FRYL: variants seen among roughly 807,000 people sequenced by gnomAD.
The protein encoded by FRYL is protein furry homolog-like.
FRYL carries 150 observed loss-of-function variants against 351.2 expected under a neutral mutation model. The ratio of observed to expected loss-of-function variants is 0.43; its 90% CI spans 0.37 to 0.49. The LOEUF is 0.49. Among genes scored for constraint, FRYL ranks in the 20% least tolerant of loss-of-function variants. FRYL has a pLI of 0.00. For missense variants in FRYL, 3,036 were observed against 3,619.3 expected (o/e 0.84, Z 4.13); for synonymous variants, 1,153 against 1,257.1 (o/e 0.92, Z 1.75).
chr4:48,603,393 T>C lies in FRYL; in HGVS notation c.835-5A>G, dbSNP rs202240056. 3 of 1,545,426 alleles carry C rather than the reference T, an allele frequency of 1.9e-6. No homozygotes were observed. Among genetic ancestry groups the C allele is most frequent in the Non-Finnish European group, 2.7e-6 (3 of 1,123,366 alleles). ...ATTCACTTCATTTTTAACAGCCTAG[T>C]AAAAAGATAATGCAAACAAAGAAAA... On this transcript the variant is annotated splice_region_variant and splice_polypyrimidine_tract_variant and intron_variant, in intron 11 of 63. Coordinates refer to ENST00000358350, the MANE Select transcript of FRYL (RefSeq NM_015030.2).
chr4:48,777,780 G>A (rs1265149894), intron 1 of FRYL, among the ~76,000 whole-genome samples: 2 of 152,124 alleles, frequency 1.3e-5, no homozygotes, highest in African/African-American at 4.8e-5. Flanking sequence ...ATTATGAGAT[G>A]GGAAGGAAGA....
chr4:48,627,296 C>T (rs901450438), intron 4 of FRYL, among the ~76,000 whole-genome samples: 2 of 151,954 alleles, frequency 1.3e-5, no homozygotes, highest in African/African-American at 4.8e-5. Context: ...TATTTGATCC[C>T]CCCTTTTCAC....
At chr4:48,513,977 C>A (rs184836375) in intron 56 of FRYL, among the ~76,000 whole-genome samples, 2 of 152,110 alleles carry the variant, frequency 1.3e-5, no homozygotes, top group Admixed American at 6.5e-5. Flanking sequence ...TGGGCTACTG[C>A]CATATTCAAA....
At chr4:48,589,462 G>A (rs1385146510) in intron 18 of FRYL, among the ~76,000 whole-genome samples, 6 of 151,722 alleles carry the variant, frequency 4.0e-5, no homozygotes, top group Admixed American at 3.9e-4. Flanking sequence ...ACATACATCC[G>A]GGGTACCTAG....
chr4:48,508,118 T>C (rs1411039540), intron 59 of FRYL, among the ~76,000 whole-genome samples: 1 of 152,224 alleles, frequency 6.6e-6, no homozygotes, highest in Non-Finnish European at 1.5e-5. Flanking sequence ...ATGGACAATA[T>C]GTAAGTAAAC....
intron 1 of FRYL, among the ~76,000 whole-genome samples, chr4:48,746,864 T>C (rs1391397141): frequency 1.3e-5 from 2 of 152,106 alleles, no homozygotes; most frequent in East Asian, 3.9e-4. Context: ...GCTAGACATG[T>C]GAATGAAGAC....
intron 3 of FRYL, among the ~76,000 whole-genome samples, chr4:48,677,190 G>A (rs1763848949): frequency 6.6e-6 from 1 of 152,074 alleles, no homozygotes; most frequent in African/African-American, 2.4e-5. Context: ...ATTATCAATA[G>A]CAAAGAATCT....
chr4:48,671,442 T>C (rs1578651852), intron 3 of FRYL, among the ~76,000 whole-genome samples: 1 of 151,954 alleles, frequency 6.6e-6, no homozygotes, highest in South Asian at 2.1e-4. Flanking sequence ...CTGGGGCAGG[T>C]GGATCACCTG....
intron 1 of FRYL, among the ~76,000 whole-genome samples, chr4:48,743,943 CTG>C (rs1553879324): frequency 0.022 from 2 of 92 alleles, no homozygotes; most frequent in Admixed American, 0.5. Context: ...CTCCCTTTCC[CTG>C]TCTTCCCACC....
At chr4:48,736,452 G>A (rs1314888129) in intron 1 of FRYL, among the ~76,000 whole-genome samples, 1 of 152,052 alleles carries the variant, frequency 6.6e-6, no homozygotes, top group African/African-American at 2.4e-5. Context: ...GCTTCTAGCA[G>A]GTTAACTAAG....
Position 48,512,493 on chromosome 4 carries a change from A to C in FRYL, c.8133T>G (p.Ser2711=). 6.2e-7 allele frequency: 1 copy of C among 1,613,044 alleles called. No individual in the cohort carries two copies. Among genetic ancestry groups the C allele is most frequent in the Non-Finnish European group, 8.5e-7 (1 of 1,179,030 alleles). The change falls in exon 57 of 64, where the codon TCT becomes TCG. Residue 2711 remains serine (S), a synonymous_variant. Transcript: ENST00000358350. ...SSAVFTFHVF[S]RLFQTIQRKF... ...GAACCTCACTGACCTGAAACAGCCT[A>C]GAAAACACATGAAAAGTAAACACTG...
intron 16 of FRYL, among the ~76,000 whole-genome samples, chr4:48,591,624 T>C (rs1743251464): frequency 6.6e-6 from 1 of 152,304 alleles, no homozygotes; most frequent in Non-Finnish European, 1.5e-5. Context: ...TTTATCTGCA[T>C]TTCAGGTTTG....
intron 3 of FRYL, among the ~76,000 whole-genome samples, chr4:48,640,219 A>AT: frequency 1.3e-5 from 2 of 152,208 alleles, no homozygotes; most frequent in Admixed American, 1.3e-4. Flanking sequence ...TGCTTATAGC[A>AT]GCTTTATTCA....
intron 1 of FRYL, among the ~76,000 whole-genome samples, chr4:48,745,839 T>C (rs1772611503): frequency 6.6e-6 from 1 of 152,044 alleles, no homozygotes; most frequent in South Asian, 2.1e-4. Context: ...TGAGAAATTA[T>C]AAAGGCCTGT....
intron 28 of FRYL, among the ~76,000 whole-genome samples, chr4:48,565,989 C>T (rs1736697114): frequency 6.6e-6 from 1 of 152,182 alleles, no homozygotes. Context: ...GCCAGGAGTC[C>T]ATTTCTCCCT....
At chr4:48,711,766 A>G (rs1010148095) in intron 1 of FRYL, among the ~76,000 whole-genome samples, 7 of 152,206 alleles carry the variant, frequency 4.6e-5, no homozygotes, top group Admixed American at 4.6e-4. Flanking sequence ...TGCCTCCTCA[A>G]GTGGGTCCCT....
chr4:48,548,321 TG>T (rs1731855864), intron 40 of FRYL, among the ~76,000 whole-genome samples: 2 of 152,150 alleles, frequency 1.3e-5, no homozygotes, highest in African/African-American at 4.8e-5. Flanking sequence ...CCAGTTCTTT[TG>T]GGAAATACTT....
intron 1 of FRYL, among the ~76,000 whole-genome samples, chr4:48,717,635 T>G (rs1319173842): frequency 5.9e-5 from 9 of 151,552 alleles, no homozygotes; most frequent in Non-Finnish European, 1.5e-5. Flanking sequence ...CAAACTCCTG[T>G]GTTCAAGCAA....
At chr4:48,663,974 T>C (rs1396765871) in intron 3 of FRYL, among the ~76,000 whole-genome samples, 1 of 151,606 alleles carries the variant, frequency 6.6e-6, no homozygotes, top group Non-Finnish European at 1.5e-5. Context: ...TGAGATAGGG[T>C]GGTCAGGGAA....
Sources: gnomAD v4.1 joint callset for allele counts (sites outside exome capture counted in the v4.1 genomes callset) on GRCh38, gnomAD v4.1.1 for gene constraint, MANE v1.5 for transcripts, NCBI Gene and HGNC (gene_info 2026-07-23, HGNC 2026-07-21) for gene names.